Variants in RFX3 observed in about 807,000 individuals in gnomAD.
The protein encoded by RFX3 is transcription factor RFX3.
In RFX3, 14 loss-of-function variants were observed where a neutral mutation model predicts 98.6. That is an observed-to-expected ratio of 0.14 (90% confidence interval 0.09 to 0.22). The LOEUF is 0.22. Ranked by LOEUF, RFX3 falls within the 10% of genes least tolerant of loss-of-function variation. The pLI, the probability that RFX3 is intolerant of heterozygous loss-of-function variation, is 1.00. For synonymous variants in RFX3, 383 were observed against 328.4 expected (o/e 1.17, Z -1.80); for missense variants, 639 against 926.9 (o/e 0.69, Z 4.03).
intron 2 of RFX3, among the ~76,000 whole-genome samples, chr9:3,383,043 G>A (rs1292483352): frequency 1.3e-5 from 2 of 151,994 alleles, no homozygotes; most frequent in East Asian, 1.9e-4. Context: ...ATTTTAAAAT[G>A]TTCTTCTTTT....
intron 1 of RFX3, among the ~76,000 whole-genome samples, chr9:3,445,810 G>C (rs1291952958): frequency 6.6e-6 from 1 of 152,002 alleles, no homozygotes; most frequent in Non-Finnish European, 1.5e-5. Flanking sequence ...ATCTTTCAAA[G>C]TCCTTTAAAA....
At chr9:3,505,222 T>TTATATATGAATATTTATA (rs1816837692) in intron 1 of RFX3, among the ~76,000 whole-genome samples, 3 of 55,576 alleles carry the variant, frequency 5.4e-5, no homozygotes, top group Admixed American at 6.4e-4. Context: ...GAATATATAT[T>TTATATATGAATATTTATA]TATATATGAA....
chr9:3,355,096 T>A (rs1835594363), intron 2 of RFX3, among the ~76,000 whole-genome samples: 1 of 151,554 alleles, frequency 6.6e-6, no homozygotes, highest in African/African-American at 2.4e-5. Flanking sequence ...AAGAAAAAAA[T>A]AATGAAGATA....
At chr9:3,494,033 C>A (rs1850938388) in intron 1 of RFX3, among the ~76,000 whole-genome samples, 1 of 152,016 alleles carries the variant, frequency 6.6e-6, no homozygotes, top group Admixed American at 6.6e-5. Flanking sequence ...TACTGATAGT[C>A]TCAAAGCAGT....
rs116049556 is a variant in RFX3, at chr9:3,466,484, A to G, written c.-9+59263T>C. ...CGGGCTGAATTAAAAGATGAAGAAC[A>G]TGGAAAAAATGAAATCTATTAGTAT... On this transcript the variant is annotated intron_variant, in intron 1 of 16. Coordinates refer to ENST00000617270, the MANE Select transcript of RFX3 (RefSeq NM_001282116.2). Among the ~76,000 whole-genome samples, 837 of 152,322 alleles carry G rather than the reference A, an allele frequency of 5.5e-3. 10 individuals are homozygous for G. Among genetic ancestry groups the G allele is most frequent in the African/African-American group, 0.019 (800 of 41,586 alleles).
intron 1 of RFX3, among the ~76,000 whole-genome samples, chr9:3,517,783 G>A (rs1226359321): frequency 6.6e-6 from 1 of 152,164 alleles, no homozygotes; most frequent in African/African-American, 2.4e-5. Flanking sequence ...CATAGTTAGT[G>A]GAACAAGGTT....
At chr9:3,247,781 T>C (rs1274901801) in intron 15 of RFX3, 4 of 1,594,174 alleles carry the variant, frequency 2.5e-6, no homozygotes, top group African/African-American at 1.4e-5. Flanking sequence ...TTTACATAGG[T>C]ACCTGTATAA....
At chr9:3,334,355 G>T (rs555304504) in intron 3 of RFX3, among the ~76,000 whole-genome samples, 2 of 152,238 alleles carry the variant, frequency 1.3e-5, no homozygotes, top group South Asian at 4.1e-4. Flanking sequence ...ACTTCGGATT[G>T]GAATTTTAGA....
intron 1 of RFX3, among the ~76,000 whole-genome samples, chr9:3,467,529 T>C (rs1279917348): frequency 6.6e-6 from 1 of 152,028 alleles, no homozygotes; most frequent in African/African-American, 2.4e-5. Context: ...GGAAAGGTTA[T>C]ATTCATAACT....
At chr9:3,394,804 C>T in intron 2 of RFX3, 1 of 983,794 alleles carries the variant, frequency 1.0e-6, no homozygotes, top group South Asian at 4.7e-5. Flanking sequence ...GAAGAAATCA[C>T]AGGCCAGTGT....
intron 1 of RFX3, among the ~76,000 whole-genome samples, chr9:3,423,783 A>ATATATATATC (rs537769147): frequency 1.1e-5 from 1 of 89,282 alleles, no homozygotes; most frequent in African/African-American, 6.4e-5. Flanking sequence ...ATTTTCATAT[A>ATATATATATC]TATATATATA....
In RFX3 at chr9:3,277,113, A is replaced by C. The variant is rs376125242; in HGVS notation, c.973+227T>G. Among the ~76,000 whole-genome samples, 32 of 152,166 alleles carry C rather than the reference A, an allele frequency of 2.1e-4. No individual in the cohort carries two copies. In the East Asian group the frequency reaches 4.6e-3, roughly 22 times the overall value. ...ACAATTTCATAGCAATGAGTCTTTAATTCATACGCATAAAAGTCCTATATA... is the reference window on the plus strand; with the variant it reads ...ACAATTTCATAGCAATGAGTCTTTACTTCATACGCATAAAAGTCCTATATA... On this transcript the variant is annotated intron_variant, in intron 8 of 16. Coordinates refer to ENST00000617270, the MANE Select transcript of RFX3 (RefSeq NM_001282116.2).
chr9:3,235,722 C>T (rs1819061106), intron 15 of RFX3, among the ~76,000 whole-genome samples: 1 of 152,282 alleles, frequency 6.6e-6, no homozygotes, highest in East Asian at 1.9e-4. Context: ...CACATTGCGT[C>T]ACTCTGACAC....
intron 1 of RFX3, among the ~76,000 whole-genome samples, chr9:3,457,228 C>T (rs1445490397): frequency 4.2e-5 from 6 of 143,424 alleles, no homozygotes; most frequent in Non-Finnish European, 7.6e-5. Flanking sequence ...TAGGAGAATT[C>T]TACCTTTTCC....
chr9:3,249,084 C>A (rs765629137), intron 14 of RFX3, among the ~76,000 whole-genome samples: 9 of 151,824 alleles, frequency 5.9e-5, no homozygotes, highest in African/African-American at 9.7e-5. Flanking sequence ...ATTTACTGAC[C>A]TTTTTCTAAA....
intron 1 of RFX3, among the ~76,000 whole-genome samples, chr9:3,469,709 T>C (rs369445341): frequency 4.6e-5 from 7 of 152,026 alleles, no homozygotes; most frequent in South Asian, 2.1e-4. Context: ...AATTCAACCG[T>C]ACAAAATCAA....
intron 1 of RFX3, among the ~76,000 whole-genome samples, chr9:3,445,191 CAT>C (rs1260101981): frequency 6.6e-6 from 1 of 151,816 alleles, no homozygotes; most frequent in Non-Finnish European, 1.5e-5. Context: ...CAAAGATAAA[CAT>C]AGTTTTCAAA....
At chr9:3,366,276 T>C (rs865934357) in intron 2 of RFX3, among the ~76,000 whole-genome samples, 10 of 152,162 alleles carry the variant, frequency 6.6e-5, no homozygotes, top group African/African-American at 2.4e-4. Flanking sequence ...ACATATAGTA[T>C]AGGAACCTAG....
chr9:3,327,508 A>G (rs886928088), intron 4 of RFX3, among the ~76,000 whole-genome samples: 2 of 152,146 alleles, frequency 1.3e-5, no homozygotes, highest in East Asian at 1.9e-4. Context: ...CTATCAATCA[A>G]TATGGGCTTG....
Sources: allele counts gnomAD v4.1 joint callset (sites outside exome capture counted in the v4.1 genomes callset), GRCh38; gene constraint gnomAD v4.1.1; transcripts MANE v1.5; gene names NCBI Gene and HGNC (gene_info 2026-07-23, HGNC 2026-07-21).